The following ACSS1 variants were observed in gnomAD, a reference collection of about 807,000 sequenced individuals.
ACSS1 encodes the protein acetyl-coenzyme A synthetase 2-like, mitochondrial.
Under a neutral mutation model 75.3 loss-of-function variants are expected in ACSS1, and 42 were observed. That is an observed-to-expected ratio of 0.56 (90% CI 0.44 to 0.72). The LOEUF is 0.72. Among genes scored for constraint, ACSS1 ranks in the 30% least tolerant of loss-of-function variants. ACSS1 has a pLI of 0.00. For synonymous variants in ACSS1, 380 were observed against 376.8 expected (o/e 1.01, Z -0.10); for missense variants, 782 against 935.7 (o/e 0.84, Z 2.14).
At position 25,027,208 on chromosome 20, in the gene ACSS1, T is replaced by C. The variant is rs149434527; in HGVS notation, c.631+3551A>G. On this transcript the variant is annotated intron_variant, in intron 3 of 13. Transcript: ENST00000323482. Reference sequence around the variant, plus strand: ...ACCAGATGACTTCACTGGTGAATTCTATGAAATATTTAAAGAATTAGCACC... The same window carrying C: ...ACCAGATGACTTCACTGGTGAATTCCATGAAATATTTAAAGAATTAGCACC... Among the ~76,000 whole-genome samples, 33 of 152,370 alleles carry C rather than the reference T, an allele frequency of 2.2e-4. No individual in the cohort carries two copies. The Middle Eastern group carries it at 0.014, about 63-fold the overall frequency.
intron 7 of ACSS1, among the ~76,000 whole-genome samples, chr20:25,016,299 T>C (rs2088515106): frequency 6.6e-6 from 1 of 152,194 alleles, no homozygotes; most frequent in Non-Finnish European, 1.5e-5. Context: ...TAAGGGGGCC[T>C]CTGGGGACTA....
At chr20:25,022,208 A>G (rs1022225875) in intron 5 of ACSS1, among the ~76,000 whole-genome samples, 1 of 152,098 alleles carries the variant, frequency 6.6e-6, no homozygotes, top group Non-Finnish European at 1.5e-5. Context: ...AATACAAAAA[A>G]AAATTAGCAG....
Position 25,007,099 on chromosome 20 carries a change from A to G in ACSS1, c.*663T>C. ...AGCACAGGAGAAACACTCACCAGGAAAAGATGCCGGAGGCTTGGAAGTTCT... is the reference window on the plus strand; with the variant it reads ...AGCACAGGAGAAACACTCACCAGGAGAAGATGCCGGAGGCTTGGAAGTTCT... On this transcript the variant is annotated 3_prime_UTR_variant, in exon 14 of 14. Transcript: ENST00000323482. 1 of 1,412,180 alleles carries G rather than the reference A, an allele frequency of 7.1e-7. No homozygotes were observed. The highest frequency in any genetic ancestry group is 1.4e-5 in the African/African-American group (1 of 69,492). The allele number at this position is 1,412,180 out of a possible 1,614,324, so 87.5% of individuals were successfully genotyped here. A position where few individuals can be genotyped will look rare whatever the true frequency, so the allele number is the denominator to read the frequency against.
chr20:25,048,105 C>T lies in ACSS1; in HGVS notation c.411G>A (p.Thr137=), dbSNP rs773002946. ...AGTACCTGTAGGTGATCCTCACTTC[C>T]GTTCCAGGCTCATCGCGCTCCCAGA... is the stretch of plus-strand genomic sequence containing the variant. The part of the protein sequence containing the change: ...ALIWERDEPG[T]EVRITYRELL... The change falls in exon 2 of 14, where the codon ACG becomes ACA. Residue 137 remains threonine (T), a synonymous_variant. Coordinates refer to ENST00000323482, the MANE Select transcript of ACSS1 (RefSeq NM_032501.4). The T allele has an allele frequency of 2.0e-5, 32 of 1,613,618 alleles. No individual in the cohort carries two copies. The East Asian group carries it at 2.0e-4, about 10-fold the overall frequency.
chr20:25,049,730 G>A (rs2089150543), intron 1 of ACSS1, among the ~76,000 whole-genome samples: 1 of 152,062 alleles, frequency 6.6e-6, no homozygotes, highest in African/African-American at 2.4e-5. Flanking sequence ...CTCCCATTAT[G>A]GATGGGAGAA....
chr20:25,019,240 A>G (rs1489921574), intron 7 of ACSS1, among the ~76,000 whole-genome samples: 1 of 152,242 alleles, frequency 6.6e-6, no homozygotes, highest in Non-Finnish European at 1.5e-5. Flanking sequence ...GACAGGAGAG[A>G]GAACAGCAGT....
intron 6 of ACSS1, among the ~76,000 whole-genome samples, chr20:25,020,750 G>A (rs1406950151): frequency 2.0e-5 from 3 of 152,270 alleles, no homozygotes; most frequent in Non-Finnish European, 1.5e-5. Flanking sequence ...GCCCCCAAAG[G>A]CAGGGATGGA....
At chr20:25,046,902 CTG>C in intron 2 of ACSS1, 2 of 779,676 alleles carry the variant, frequency 2.6e-6, no homozygotes, top group East Asian at 4.8e-5. Flanking sequence ...GCTGTATAGG[CTG>C]TGAGTCTGGC....
In ACSS1 at chr20:25,050,397, C is replaced by G. The variant is rs142937013; in HGVS notation, c.335-2216G>C. 2.6e-3 allele frequency among the ~76,000 whole-genome samples: 391 copies of G among 152,168 alleles called. 3 individuals are homozygous for G. Among genetic ancestry groups the G allele is most frequent in the African/African-American group, 8.9e-3 (371 of 41,518 alleles). ...CACTGTCTGCACCCACCATCCCCCC[C>G]GGGAGCTGGTCACAAATGCAAATCT... On this transcript the variant is annotated intron_variant, in intron 1 of 13. Coordinates refer to ENST00000323482, the MANE Select transcript of ACSS1 (RefSeq NM_032501.4).
chr20:25,046,678 G>T (rs1014519617), intron 2 of ACSS1: 6 of 656,948 alleles, frequency 9.1e-6, no homozygotes, highest in African/African-American at 9.0e-5. Context: ...TCTCAGAAGG[G>T]GCTTTGTTCG....
chr20:25,042,984 G>C (rs2089027779), intron 2 of ACSS1, among the ~76,000 whole-genome samples: 1 of 152,156 alleles, frequency 6.6e-6, no homozygotes. Flanking sequence ...GAGAGGTGGA[G>C]TGACAGGCTC....
At chr20:25,052,659 T>C (rs2089190975) in intron 1 of ACSS1, among the ~76,000 whole-genome samples, 1 of 152,286 alleles carries the variant, frequency 6.6e-6, no homozygotes, top group African/African-American at 2.4e-5. Flanking sequence ...GATTATTCAT[T>C]GCTGTACATG....
intron 1 of ACSS1, among the ~76,000 whole-genome samples, chr20:25,053,479 G>A (rs967148852): frequency 5.3e-5 from 8 of 152,098 alleles, no homozygotes; most frequent in South Asian, 4.1e-4. Flanking sequence ...AAAGTAAGTC[G>A]TGCCCCTGAC....
At chr20:25,040,544 G>A (rs2088983476) in intron 2 of ACSS1, among the ~76,000 whole-genome samples, 1 of 152,236 alleles carries the variant, frequency 6.6e-6, no homozygotes, top group Non-Finnish European at 1.5e-5. Context: ...AAGAACAGGA[G>A]GCTCCTGCTC....
chr20:25,055,043 C>T (rs1234217355), intron 1 of ACSS1, among the ~76,000 whole-genome samples: 1 of 152,212 alleles, frequency 6.6e-6, no homozygotes, highest in Non-Finnish European at 1.5e-5. Context: ...TAAAACCATC[C>T]TCCTCTGTTC....
rs780722899 is a variant in ACSS1, at chr20:25,031,002, C to T, written c.432-44G>A. ...AAAGCCATCAGAGATGGAGGAGGGC[C>T]AAAATGCAGAGCAGTTTGGGGGTGG... On this transcript the variant is annotated intron_variant, in intron 2 of 13. Transcript: ENST00000323482. 31 of 1,597,734 alleles carry T rather than the reference C, an allele frequency of 1.9e-5. 1 individual carries two copies. The highest frequency in any genetic ancestry group is 2.5e-5 in the Non-Finnish European group (29 of 1,170,114).
Position 25,023,648 on chromosome 20 carries a change from G to C in ACSS1, c.632-7C>G. ...ATAACCACCTTGCACTTGGCTAACA[G>C]AGACAACACAGACATTTCTGATCAG... On this transcript the variant is annotated splice_region_variant and splice_polypyrimidine_tract_variant and intron_variant, in intron 3 of 13. Coordinates refer to ENST00000323482, the MANE Select transcript of ACSS1 (RefSeq NM_032501.4). 1 of 1,591,402 alleles carries C rather than the reference G, an allele frequency of 6.3e-7. No individual in the cohort carries two copies. Among genetic ancestry groups the C allele is most frequent in the Non-Finnish European group, 8.6e-7 (1 of 1,167,838 alleles).
At chr20:25,009,443 C>T in intron 12 of ACSS1, 55 bp from the exon 13 acceptor site, 1 of 1,451,716 alleles carries the variant, frequency 6.9e-7, no homozygotes, top group South Asian at 1.1e-5. Context: ...GGAGCCAACT[C>T]CCGAGGCAGG....
chr20:25,009,497 CTA>C (rs1397819747), intron 12 of ACSS1, 109 bp from the exon 13 acceptor site: 4 of 842,338 alleles, frequency 4.7e-6, no homozygotes, highest in Admixed American at 2.1e-5. Context: ...CTTTTGAATC[CTA>C]TGTTAGTGAC....
Sources: gnomAD v4.1 joint callset for allele counts (sites outside exome capture counted in the v4.1 genomes callset) on GRCh38, gnomAD v4.1.1 for gene constraint, MANE v1.5 for transcripts, NCBI Gene and HGNC (gene_info 2026-07-23, HGNC 2026-07-21) for gene names.